Variants in DOK6 observed in about 807,000 individuals in gnomAD.
DOK6 encodes the protein docking protein 6.
A neutral mutation model predicts 44.0 loss-of-function variants in DOK6; 22 were observed. That is an observed-to-expected ratio of 0.50 (90% CI 0.36 to 0.71). The LOEUF is 0.71. Among genes scored for constraint, DOK6 ranks in the 30% least tolerant of loss-of-function variants. The probability of loss-of-function intolerance (pLI) is 0.00; values close to 1 mark genes in which losing one functional copy is unlikely to be tolerated. For missense variants in DOK6, 340 were observed against 416.4 expected (o/e 0.82, Z 1.60); for synonymous variants, 166 against 145.5 (o/e 1.14, Z -1.01).
At chr18:69,831,310 T>C (rs755591334) in intron 7 of DOK6, 1 of 152,202 alleles carries the variant, frequency 6.6e-6, no homozygotes, top group Non-Finnish European at 1.5e-5. Flanking sequence ...CCCGCCCATA[T>C]TGGTGAGGGC....
intron 3 of DOK6, among the ~76,000 whole-genome samples, chr18:69,631,947 T>C (rs1984700381): frequency 2.0e-5 from 3 of 152,260 alleles, no homozygotes; most frequent in African/African-American, 7.2e-5. Flanking sequence ...ATGTTGGTTA[T>C]GTGACTAAAT....
At chr18:69,604,004 G>T (rs1983938874) in intron 3 of DOK6, among the ~76,000 whole-genome samples, 1 of 151,942 alleles carries the variant, frequency 6.6e-6, no homozygotes, top group South Asian at 2.1e-4. Context: ...TCAAATTAGG[G>T]TCATTAATAG....
chr18:69,603,497 C>T (rs185843271), intron 3 of DOK6, among the ~76,000 whole-genome samples: 37 of 152,160 alleles, frequency 2.4e-4, no homozygotes, highest in African/African-American at 6.0e-4. Flanking sequence ...ATCTGCCGGG[C>T]GCTGTGGCTC....
intron 6 of DOK6, among the ~76,000 whole-genome samples, chr18:69,751,934 A>G (rs1157656031): frequency 6.6e-6 from 1 of 152,214 alleles, no homozygotes; most frequent in Non-Finnish European, 1.5e-5. Context: ...GCTACAATTT[A>G]CAATTATATA....
At chr18:69,408,707 A>G (rs1978294206) in intron 1 of DOK6, among the ~76,000 whole-genome samples, 1 of 152,216 alleles carries the variant, frequency 6.6e-6, no homozygotes, top group African/African-American at 2.4e-5. Context: ...TGACATAGTC[A>G]TGCCTCACAT....
intron 1 of DOK6, among the ~76,000 whole-genome samples, chr18:69,552,017 C>T (rs1167874878): frequency 6.6e-6 from 1 of 152,172 alleles, no homozygotes; most frequent in African/African-American, 2.4e-5. Flanking sequence ...AAGTAGGTTT[C>T]ACCTACATTT....
chr18:69,464,364 AGTT>A (rs1477078168), intron 1 of DOK6, among the ~76,000 whole-genome samples: 2 of 152,168 alleles, frequency 1.3e-5, no homozygotes, highest in Non-Finnish European at 1.5e-5. Context: ...TTTAAATTTC[AGTT>A]ATTAGGGTCC....
chr18:69,472,739 G>GACAC (rs199645311), intron 1 of DOK6, among the ~76,000 whole-genome samples: 3 of 151,152 alleles, frequency 2.0e-5, no homozygotes, highest in East Asian at 3.9e-4. Flanking sequence ...CGCACAGATA[G>GACAC]ACACACACAC....
At chr18:69,735,641 T>C (rs1978580222) in intron 5 of DOK6, among the ~76,000 whole-genome samples, 2 of 152,334 alleles carry the variant, frequency 1.3e-5, no homozygotes, top group Admixed American at 1.3e-4. Context: ...CATGTAGGCA[T>C]GCAGCACCCC....
intron 1 of DOK6, among the ~76,000 whole-genome samples, chr18:69,518,885 T>C (rs991293583): frequency 1.3e-5 from 2 of 152,116 alleles, no homozygotes; most frequent in African/African-American, 4.8e-5. Flanking sequence ...TGGCAGGTAA[T>C]CTTACCACTG....
intron 1 of DOK6, among the ~76,000 whole-genome samples, chr18:69,518,993 T>TC (rs550173952): frequency 6.6e-6 from 1 of 152,206 alleles, no homozygotes; most frequent in South Asian, 2.1e-4. Context: ...ATGGAAAATC[T>TC]TTCTTACGCT....
intron 2 of DOK6, among the ~76,000 whole-genome samples, chr18:69,575,951 T>A (rs2144606305): frequency 1.3e-5 from 2 of 152,162 alleles, no homozygotes; most frequent in East Asian, 3.9e-4. Flanking sequence ...GCAAAAAAAA[T>A]CACAGAAGTT....
chr18:69,498,432 G>A (rs907344896), intron 1 of DOK6, among the ~76,000 whole-genome samples: 1 of 152,016 alleles, frequency 6.6e-6, no homozygotes, highest in African/African-American at 2.4e-5. Context: ...CCCAGACAGG[G>A]CCATTCTTAT....
At chr18:69,502,217 AATT>A (rs1272971620) in intron 1 of DOK6, among the ~76,000 whole-genome samples, 2 of 152,056 alleles carry the variant, frequency 1.3e-5, no homozygotes, top group Non-Finnish European at 2.9e-5. Flanking sequence ...GAAGTTTGAT[AATT>A]ATTATTGTTG....
intron 1 of DOK6, among the ~76,000 whole-genome samples, chr18:69,533,725 A>G (rs546361318): frequency 2.0e-5 from 3 of 151,742 alleles, no homozygotes; most frequent in Non-Finnish European, 4.4e-5. Context: ...TTCCTTTTTT[A>G]TTATTTCCTC....
chr18:69,677,938 C>A, intron 4 of DOK6, 85 bp downstream of exon 4: 1 of 1,494,480 alleles, frequency 6.7e-7, no homozygotes, highest in Non-Finnish European at 8.9e-7. Flanking sequence ...AGAAATGTTT[C>A]AGACCAATCA....
intron 1 of DOK6, among the ~76,000 whole-genome samples, chr18:69,548,613 T>C (rs1982474999): frequency 6.6e-6 from 1 of 151,528 alleles, no homozygotes; most frequent in Non-Finnish European, 1.5e-5. Flanking sequence ...CTGCAGATCT[T>C]ACAGCTTAGA....
At chr18:69,497,750 A>C (rs1277712489) in intron 1 of DOK6, among the ~76,000 whole-genome samples, 4 of 152,210 alleles carry the variant, frequency 2.6e-5, no homozygotes, top group African/African-American at 9.6e-5. Flanking sequence ...TCGCACATCA[A>C]CTTTATTTTA....
At chr18:69,548,819 C>T (rs373647572) in intron 1 of DOK6, among the ~76,000 whole-genome samples, 1 of 151,572 alleles carries the variant, frequency 6.6e-6, no homozygotes, top group East Asian at 1.9e-4. Context: ...CTTGGCCGGG[C>T]GCGGTGGCTC....
Sources: gnomAD v4.1 joint callset for allele counts (sites outside exome capture counted in the v4.1 genomes callset) on GRCh38, gnomAD v4.1.1 for gene constraint, MANE v1.5 for transcripts, NCBI Gene and HGNC (gene_info 2026-07-23, HGNC 2026-07-21) for gene names.